The following PRSS23 variants were observed in gnomAD, a reference collection of about 807,000 sequenced individuals.
The protein encoded by PRSS23 is serine protease 23.
In PRSS23, 25 loss-of-function variants were observed where a neutral mutation model predicts 34.7. That is an observed-to-expected ratio of 0.72 (90% confidence interval 0.53 to 1.01). PRSS23 has a LOEUF of 1.01. Ranked by LOEUF, PRSS23 falls within the 50% of genes least tolerant of loss-of-function variation. The pLI, the probability that PRSS23 is intolerant of heterozygous loss-of-function variation, is 0.00. For missense variants in PRSS23, 445 were observed against 475.6 expected, an observed-to-expected ratio of 0.94 and a Z score of 0.60; for synonymous variants, 176 against 186.6, an observed-to-expected ratio of 0.94 and a Z score of 0.46.
intron 2 of PRSS23, among the ~76,000 whole-genome samples, chr11:86,880,773 G>C (rs1044526483): frequency 6.6e-6 from 1 of 152,162 alleles, no homozygotes; most frequent in Admixed American, 6.5e-5. Context: ...GTGTTAGTTT[G>C]CTGAGAATGA....
chr11:86,824,627 C>T (rs2134879063), intron 2 of PRSS23, among the ~76,000 whole-genome samples: 1 of 104,594 alleles, frequency 9.6e-6, no homozygotes, highest in South Asian at 4.1e-4. Flanking sequence ...TATCCCTCCC[C>T]CCTCCCCCCA....
chr11:86,821,017 T>C (rs778113724), intron 1 of PRSS23: 2 of 185,696 alleles, frequency 1.1e-5, no homozygotes, highest in Non-Finnish European at 2.2e-5. Context: ...AAACCCAGCA[T>C]ACAAAAACTT....
At chr11:86,935,215 G>T (rs1054999922) in intron 2 of PRSS23, 1 of 152,202 alleles carries the variant, frequency 6.6e-6, no homozygotes, top group Non-Finnish European at 1.5e-5. Flanking sequence ...CTAGGCCTCA[G>T]ATTCCTCAGC....
intron 2 of PRSS23, among the ~76,000 whole-genome samples, chr11:86,898,108 T>C (rs781018947): frequency 6.6e-6 from 1 of 152,232 alleles, no homozygotes; most frequent in African/African-American, 2.4e-5. Flanking sequence ...AATTGGAGGC[T>C]CATCTTACAC....
upstream of PRSS23, among the ~76,000 whole-genome samples, chr11:86,795,780 G>A (rs887370136): frequency 2.1e-4 from 32 of 152,164 alleles, no homozygotes; most frequent in African/African-American, 9.7e-5. Context: ...CAAGATCCAC[G>A]TAACACTTTA....
chr11:86,867,299 C>G (rs1359820317), intron 2 of PRSS23, among the ~76,000 whole-genome samples: 1 of 152,260 alleles, frequency 6.6e-6, no homozygotes, highest in Non-Finnish European at 1.5e-5. Context: ...AAACTATTCT[C>G]TCATGCCTCT....
At chr11:86,815,641 A>G (rs114755310), downstream of PRSS23, among the ~76,000 whole-genome samples, 486 of 152,318 alleles carry the variant, frequency 3.2e-3, 4 homozygotes, top group African/African-American at 0.011. Flanking sequence ...CTACAAGACT[A>G]TGAGCCTTGC....
intron 2 of PRSS23, chr11:86,933,704 G>C (rs3740666): frequency 0.66 from 100,290 of 152,070 alleles, 33,654 homozygotes; most frequent in Non-Finnish European, 0.73. Context: ...GAAACTTGCC[G>C]TGGGTCACAC....
At chr11:86,943,641 T>A (rs1437656333) in intron 2 of PRSS23, among the ~76,000 whole-genome samples, 2 of 151,514 alleles carry the variant, frequency 1.3e-5, no homozygotes, top group East Asian at 1.9e-4. Context: ...TAAAATAAAA[T>A]AAAATAGAAA....
chr11:86,868,087 G>A (rs1471494715), intron 2 of PRSS23, among the ~76,000 whole-genome samples: 1 of 152,060 alleles, frequency 6.6e-6, no homozygotes, highest in Non-Finnish European at 1.5e-5. Flanking sequence ...GTGAAGCCTA[G>A]GGGACATGGG....
intron 2 of PRSS23, among the ~76,000 whole-genome samples, chr11:86,824,058 A>AGAGAAGTCAAAGCCAAAAGAG (rs1948277085): frequency 6.6e-6 from 1 of 150,534 alleles, no homozygotes; most frequent in Admixed American, 6.6e-5. Flanking sequence ...GCTTTGGTGA[A>AGAGAAGTCAAAGCCAAAAGAG]GAGAAGTCAA....
At chr11:86,830,534 G>A (rs3016253) in intron 2 of PRSS23, among the ~76,000 whole-genome samples, 63,227 of 151,908 alleles carry the variant, frequency 0.42, 13,422 homozygotes, top group East Asian at 0.48. Context: ...CCCTAGTGAG[G>A]TGAACCTGGT....
chr11:86,860,814 T>G (rs1181539198), intron 2 of PRSS23, among the ~76,000 whole-genome samples: 1 of 151,708 alleles, frequency 6.6e-6, no homozygotes, highest in Non-Finnish European at 1.5e-5. Context: ...TCGCGGGAAA[T>G]GTACGTCACC....
chr11:86,832,552 C>G (rs551045031), intron 2 of PRSS23: 31 of 438,562 alleles, frequency 7.1e-5, no homozygotes, highest in Non-Finnish European at 1.2e-4. Context: ...GCAACCACCA[C>G]AGGACCCTTT....
Position 86,939,426 on chromosome 11 carries a change from A to ATATATATTTTTTT in PRSS23, c.207-11789_207-11788insATATATTTTTTTT. Among the ~76,000 whole-genome samples the ATATATATTTTTTT allele has an allele frequency of 7.9e-3, 739 of 93,910 alleles. 9 individuals are homozygous for ATATATATTTTTTT. The highest frequency in any genetic ancestry group is 0.013 in the East Asian group (44 of 3,366). 61.6% of individuals were successfully genotyped at this position (93,910 alleles called of 152,430 possible). On this transcript the variant is annotated intron_variant, in intron 2 of 2. Coordinates refer to the PRSS23 transcript ENST00000533902. ...AAAATATATATATATATATATATAT[A>ATATATATTTTTTT]TTTTTTAACATGAGTAAAAATTGCA...
chr11:86,891,861 G>T (rs1298852100), intron 2 of PRSS23, among the ~76,000 whole-genome samples: 3 of 152,100 alleles, frequency 2.0e-5, no homozygotes, highest in African/African-American at 7.2e-5. Context: ...TCTCCTTCCT[G>T]CTGCCTTGTG....
At chr11:86,856,450 C>T (rs182279409) in intron 2 of PRSS23, among the ~76,000 whole-genome samples, 12 of 151,498 alleles carry the variant, frequency 7.9e-5, no homozygotes, top group Admixed American at 2.6e-4. Context: ...CGTTGAGAAC[C>T]GAACCGGTGA....
At chr11:86,793,371 G>C (rs1947963296) in intron 1 of PRSS23, among the ~76,000 whole-genome samples, 1 of 152,178 alleles carries the variant, frequency 6.6e-6, no homozygotes, top group South Asian at 2.1e-4. Context: ...CTCCATGGTA[G>C]AGCAACTCAG....
At chr11:86,822,384 G>A (rs1052968514) in intron 1 of PRSS23, among the ~76,000 whole-genome samples, 2 of 152,146 alleles carry the variant, frequency 1.3e-5, no homozygotes, top group African/African-American at 4.8e-5. Flanking sequence ...ACTTTGGGAG[G>A]CTGAGGCGGG....
Sources: allele counts gnomAD v4.1 joint callset (sites outside exome capture counted in the v4.1 genomes callset), GRCh38; gene constraint gnomAD v4.1.1; transcripts MANE v1.5; gene names NCBI Gene and HGNC (gene_info 2026-07-23, HGNC 2026-07-21).